Variants in BTBD7 observed in about 807,000 individuals in gnomAD.
BTBD7 encodes the protein BTB/POZ domain-containing protein 7.
BTBD7 carries 38 observed loss-of-function variants against 99.9 expected under a neutral mutation model. The ratio of observed to expected loss-of-function variants is 0.38; its 90% CI spans 0.29 to 0.50. The LOEUF is 0.50. BTBD7 is among the 20% of genes least tolerant of loss of function. The pLI, the probability that BTBD7 is intolerant of heterozygous loss-of-function variation, is 0.93. For missense variants in BTBD7, 1,170 were observed against 1,394.6 expected, an observed-to-expected ratio of 0.84 and a Z score of 2.57; for synonymous variants, 520 against 511.4, an observed-to-expected ratio of 1.02 and a Z score of -0.23.
At chr14:93,293,619 C>T (rs534507709) in intron 3 of BTBD7, among the ~76,000 whole-genome samples, 1 of 152,194 alleles carries the variant, frequency 6.6e-6, no homozygotes, top group African/African-American at 2.4e-5. Context: ...GAAGAAAGAA[C>T]CTCAAGTCTC....
intron 3 of BTBD7, among the ~76,000 whole-genome samples, chr14:93,285,065 G>A (rs2052761698): frequency 6.6e-6 from 1 of 152,024 alleles, no homozygotes; most frequent in Non-Finnish European, 1.5e-5. Context: ...CTTTAGCTTG[G>A]CCCCATTCTT....
chr14:93,254,139 A>T (rs535989936), intron 6 of BTBD7, among the ~76,000 whole-genome samples: 113 of 152,158 alleles, frequency 7.4e-4, no homozygotes, highest in Non-Finnish European at 1.4e-3. Flanking sequence ...GGGTTTCACC[A>T]TGTTGGTCAG....
chr14:93,246,032 T>C lies in BTBD7; in HGVS notation c.2376A>G (p.Ser792=), dbSNP rs1360595857. 2 of 1,610,822 alleles carry C rather than the reference T, an allele frequency of 1.2e-6. No homozygotes were observed. The highest frequency in any genetic ancestry group is 1.7e-6 in the Non-Finnish European group (2 of 1,179,762). Residue 792 remains serine (S), a synonymous_variant, in exon 10 of 11, where the codon TCA becomes TCG. Coordinates refer to ENST00000334746, the MANE Select transcript of BTBD7 (RefSeq NM_001002860.4). Reference sequence around the variant, plus strand: ...GCGAATGATTACAGGGATAAGAAAATGAACGTGAAGGGTGCTGACTGGGAG... The same window carrying C: ...GCGAATGATTACAGGGATAAGAAAACGAACGTGAAGGGTGCTGACTGGGAG... The part of the protein sequence containing the change: ...QRPPSQHPSR[S]FSYPCNHSLF...
In BTBD7 at chr14:93,242,936, C is replaced by T. The variant is rs772633702; in HGVS notation, c.2736G>A (p.Leu912=). The change falls in exon 11 of 11, where the codon CTG becomes CTA. Residue 912 remains leucine (L), a synonymous_variant. Coordinates refer to ENST00000334746, the MANE Select transcript of BTBD7 (RefSeq NM_001002860.4). ...GTGTATGTCTCTGTGGAATACACGA[C>T]AGATGCTGGGGAGGCCCTGGTCCTG... is the stretch of plus-strand genomic sequence containing the variant. ...SEAGPGPPQH[L]SCIPQRHTHT... is the part of the protein sequence containing the mutation. 4 of 1,614,032 alleles carry T rather than the reference C, an allele frequency of 2.5e-6. No individual in the cohort carries two copies. The highest frequency in any genetic ancestry group is 2.7e-5 in the African/African-American group (2 of 74,984).
At chr14:93,246,439 G>GA (rs1158530435) in intron 9 of BTBD7, among the ~76,000 whole-genome samples, 153 bp from the exon 10 acceptor site, 1 of 152,134 alleles carries the variant, frequency 6.6e-6, no homozygotes, top group Non-Finnish European at 1.5e-5. Context: ...AGAAGCCCAA[G>GA]AAAAAAATCA....
rs1228369882 is a variant in BTBD7 at position 93,242,588 on chromosome 14, A to C, written c.3084T>G (p.Asp1028Glu). The C allele has an allele frequency of 1.2e-6, 2 of 1,614,202 alleles. No homozygotes were observed. Among genetic ancestry groups the C allele is most frequent in the East Asian group, 4.5e-5 (2 of 44,874 alleles). ...ACCGCTGGGGAGGTTGCTCAACGAC[A>C]TCCAGGTGTATCGGCTCATTCTTTT... is the stretch of plus-strand genomic sequence containing the variant. Reference protein sequence around the residue: ...HRQKNEPIHLDVVEQPPQRSD... With the variant: ...HRQKNEPIHLEVVEQPPQRSD... Residue 1028 changes from aspartate to glutamate, a missense_variant, in exon 11 of 11, where the codon GAT (aspartate) becomes GAG (glutamate). Physicochemically the swap from Asp to Glu is conservative, Grantham distance 45. Transcript: ENST00000334746.
intron 3 of BTBD7, among the ~76,000 whole-genome samples, chr14:93,283,804 G>A (rs762034036): frequency 6.6e-6 from 1 of 152,106 alleles, no homozygotes; most frequent in Non-Finnish European, 1.5e-5. Context: ...TGCCTGCTTC[G>A]GCCTCTGAAA....
At position 93,242,542 on chromosome 14, in the gene BTBD7, G is replaced by C; in HGVS notation, c.3130C>G (p.Pro1044Ala). 6.2e-7 allele frequency: 1 copy of C among 1,614,210 alleles called. No homozygotes were observed. The highest frequency in any genetic ancestry group is 8.5e-7 in the Non-Finnish European group (1 of 1,180,034). Residue 1044 changes from proline to alanine, a missense_variant, in exon 11 of 11, where the codon CCA (proline) becomes GCA (alanine). By Grantham distance (27) the Pro-to-Ala change is conservative (BLOSUM62 -1). Around this residue, in one of 4 missense-constraint regions of BTBD7, gnomAD observed 495 missense variants for 525.9 expected, o/e 0.94. Transcript: ENST00000334746. ...PQRSDFPLAA[P>A]ENASTGPAHV... ...GCTGGACCGGTACTAGCATTTTCTG[G>C]GGCTGCCAAAGGAAAGTCTGACCGC...
intron 3 of BTBD7, among the ~76,000 whole-genome samples, chr14:93,286,781 A>T (rs558431607): frequency 6.6e-6 from 1 of 152,194 alleles, no homozygotes; most frequent in Non-Finnish European, 1.5e-5. Context: ...CAGGATGACC[A>T]ATGGAGATAA....
chr14:93,263,713 A>T, intron 4 of BTBD7, 72 bp downstream of exon 4: 1 of 1,392,958 alleles, frequency 7.2e-7, no homozygotes, highest in Non-Finnish European at 1.0e-6. Flanking sequence ...TAGATGGAAG[A>T]GTAATAGAGC....
chr14:93,269,002 G>T (rs531594066), intron 3 of BTBD7, among the ~76,000 whole-genome samples: 1 of 151,928 alleles, frequency 6.6e-6, no homozygotes, highest in South Asian at 2.1e-4. Context: ...CAGGTGATCC[G>T]CCCGCCTCGG....
intron 1 of BTBD7, among the ~76,000 whole-genome samples, chr14:93,298,279 G>C (rs889358218): frequency 1.3e-5 from 2 of 152,158 alleles, no homozygotes; most frequent in African/African-American, 2.4e-5. Flanking sequence ...GGTTTGTAGA[G>C]ACTCAAGATG....
chr14:93,259,513 T>A (rs956828538), intron 5 of BTBD7, among the ~76,000 whole-genome samples: 1 of 152,228 alleles, frequency 6.6e-6, no homozygotes, highest in Non-Finnish European at 1.5e-5. Flanking sequence ...ACCAAGCTTT[T>A]TGCTACTCCG....
At chr14:93,300,392 G>C (rs979555256) in intron 1 of BTBD7, among the ~76,000 whole-genome samples, 1 of 151,578 alleles carries the variant, frequency 6.6e-6, no homozygotes. Context: ...TGAGTAGCTA[G>C]GATTACAGGT....
intron 3 of BTBD7, among the ~76,000 whole-genome samples, chr14:93,284,489 G>T (rs8012186): frequency 0.2 from 29,534 of 150,502 alleles, 4,286 homozygotes; most frequent in African/African-American, 0.41. Flanking sequence ...AGGTTACTCA[G>T]CTTTCAAAGG....
At chr14:93,319,813 A>G (rs1333620459) in intron 1 of BTBD7, among the ~76,000 whole-genome samples, 2 of 149,416 alleles carry the variant, frequency 1.3e-5, no homozygotes, top group African/African-American at 5.0e-5. Flanking sequence ...TGTTCTTACC[A>G]AAAAAAATAA....
Position 93,250,232 on chromosome 14 carries a change from T to C in BTBD7, c.1942+1231A>G, listed in dbSNP as rs137900923. 2.8e-4 allele frequency among the ~76,000 whole-genome samples: 42 copies of C among 152,232 alleles called. 1 individual carries two copies. Among genetic ancestry groups the C allele is most frequent in the South Asian group, 8.3e-4 (4 of 4,822 alleles). ...GGACCATACCTCATTAGCTAAACAA[T>C]AGAGAGACAAGCCTTATTTTTCTGA... On this transcript the variant is annotated intron_variant, in intron 8 of 10. Coordinates refer to ENST00000334746, the MANE Select transcript of BTBD7 (RefSeq NM_001002860.4).
intron 3 of BTBD7, among the ~76,000 whole-genome samples, chr14:93,283,572 G>A (rs1225361873): frequency 1.3e-5 from 2 of 152,126 alleles, no homozygotes; most frequent in African/African-American, 4.8e-5. Context: ...TTGGTTTTGA[G>A]ACAGTCTCTC....
chr14:93,262,404 T>G (rs1278669979), intron 4 of BTBD7, among the ~76,000 whole-genome samples: 1 of 151,574 alleles, frequency 6.6e-6, no homozygotes, highest in East Asian at 1.9e-4. Flanking sequence ...AAATGGCTAA[T>G]TTTTTTTTAA....
Sources: gnomAD v4.1 joint callset for allele counts (sites outside exome capture counted in the v4.1 genomes callset) on GRCh38, gnomAD v4.1.1 for gene constraint, gnomAD v4.1.1 regional missense constraint, MANE v1.5 for transcripts, NCBI Gene and HGNC (gene_info 2026-07-23, HGNC 2026-07-21) for gene names.